Variants in SNTG1 observed in about 807,000 individuals in gnomAD.
SNTG1 encodes gamma-1-syntrophin.
A neutral mutation model predicts 74.7 loss-of-function variants in SNTG1; 39 were observed. That is an observed-to-expected ratio of 0.52 (90% CI 0.40 to 0.68). The LOEUF is 0.68. Ranked by LOEUF, SNTG1 falls within the 30% of genes least tolerant of loss-of-function variation. The pLI is 0.00. For missense variants in SNTG1, 685 were observed against 609.5 expected, an observed-to-expected ratio of 1.12 and a Z score of -1.30; for synonymous variants, 254 against 217.1, an observed-to-expected ratio of 1.17 and a Z score of -1.49.
intron 1 of SNTG1, among the ~76,000 whole-genome samples, chr8:50,147,626 G>C (rs1205526912): frequency 6.6e-6 from 1 of 152,160 alleles, no homozygotes; most frequent in Admixed American, 6.5e-5. Flanking sequence ...TTTTCTGTCA[G>C]AGGAATAAGC....
At chr8:50,103,245 G>A (rs1476555254) in intron 1 of SNTG1, among the ~76,000 whole-genome samples, 2 of 152,156 alleles carry the variant, frequency 1.3e-5, no homozygotes, top group African/African-American at 2.4e-5. Context: ...TTGAGCAGTG[G>A]TTTGTAGTTC....
chr8:50,765,367 T>C (rs1309923711), intron 18 of SNTG1, among the ~76,000 whole-genome samples: 1 of 151,990 alleles, frequency 6.6e-6, no homozygotes, highest in Non-Finnish European at 1.5e-5. Context: ...TCTGCATCCA[T>C]TGGTATTTCT....
chr8:50,149,218 A>G (rs1409153260), intron 1 of SNTG1, among the ~76,000 whole-genome samples: 1 of 151,976 alleles, frequency 6.6e-6, no homozygotes, highest in Non-Finnish European at 1.5e-5. Context: ...CATATCCTTC[A>G]CCCACTTTTT....
chr8:50,142,833 A>G (rs2081716885), intron 1 of SNTG1, among the ~76,000 whole-genome samples: 1 of 152,190 alleles, frequency 6.6e-6, no homozygotes, highest in Non-Finnish European at 1.5e-5. Flanking sequence ...ACACTTTGGG[A>G]GGCCAAGGCG....
At chr8:49,979,335 G>C (rs1462661821) in intron 1 of SNTG1, among the ~76,000 whole-genome samples, 4 of 152,222 alleles carry the variant, frequency 2.6e-5, no homozygotes, top group Non-Finnish European at 5.9e-5. Flanking sequence ...GGCCCAGACT[G>C]TCCTACAGCC....
chr8:50,764,988 G>T (rs938658182), intron 18 of SNTG1, among the ~76,000 whole-genome samples: 6 of 151,906 alleles, frequency 3.9e-5, no homozygotes, highest in Admixed American at 2.6e-4. Flanking sequence ...GAATCTGGGG[G>T]ACATTATGCT....
rs185519271 is a variant in SNTG1 at position 50,709,440 on chromosome 8, T to G, written c.1284+462T>G. On this transcript the variant is annotated intron_variant, in intron 17 of 18. Coordinates refer to ENST00000642720, the MANE Select transcript of SNTG1 (RefSeq NM_018967.5). ...TATTGAATGGTGAAAATTTAAAGTT[T>G]AGTTTCTAGCCAGGGAGTAGGACTT... 1.3e-3 allele frequency among the ~76,000 whole-genome samples: 205 copies of G among 152,254 alleles called. 1 individual carries two copies. The highest frequency in any genetic ancestry group is 3.1e-3 in the Admixed American group (47 of 15,292).
At position 50,118,719 on chromosome 8, in the gene SNTG1, T is replaced by G. The variant is rs1284888311; in HGVS notation, c.-102-53842T>G. Among the ~76,000 whole-genome samples, 2 of 142,744 alleles carry G rather than the reference T, an allele frequency of 1.4e-5. 1 individual carries two copies. The highest frequency in any genetic ancestry group is 5.1e-5 in the African/African-American group (2 of 39,496). 93.6% of individuals were successfully genotyped at this position (142,744 alleles called of 152,430 possible). A position where few individuals can be genotyped will look rare whatever the true frequency, so the allele number is the denominator to read the frequency against. Reference sequence around the variant, plus strand: ...TTTTCTTTTATTTTTCCTTTATAGTTTATAAAATTAAAGTGTATTCTTAAA... The same window carrying G: ...TTTTCTTTTATTTTTCCTTTATAGTGTATAAAATTAAAGTGTATTCTTAAA... On this transcript the variant is annotated intron_variant, in intron 1 of 18. Transcript: ENST00000642720.
chr8:50,396,822 T>A (rs1034653169), intron 3 of SNTG1, among the ~76,000 whole-genome samples: 9 of 152,226 alleles, frequency 5.9e-5, no homozygotes, highest in African/African-American at 2.2e-4. Flanking sequence ...GATATTCTAC[T>A]TTTATAAAGA....
chr8:50,225,010 GCCCA>G (rs1453725541), intron 2 of SNTG1, among the ~76,000 whole-genome samples: 1 of 151,566 alleles, frequency 6.6e-6, no homozygotes, highest in Non-Finnish European at 1.5e-5. Flanking sequence ...TCACTCTGTT[GCCCA>G]GGCTGGAGTG....
chr8:49,950,872 C>A (rs577408705), intron 1 of SNTG1, among the ~76,000 whole-genome samples: 4 of 152,258 alleles, frequency 2.6e-5, no homozygotes, highest in Admixed American at 2.0e-4. Context: ...GTGAAGTTCT[C>A]CTGAAATTCC....
intron 1 of SNTG1, among the ~76,000 whole-genome samples, chr8:50,020,177 T>A (rs548192174): frequency 5.9e-5 from 9 of 152,264 alleles, no homozygotes; most frequent in African/African-American, 2.2e-4. Context: ...TAAAGGAAAA[T>A]GTTTTGCTTT....
intron 1 of SNTG1, among the ~76,000 whole-genome samples, chr8:50,158,950 C>T (rs566885875): frequency 6.6e-6 from 1 of 152,238 alleles, no homozygotes; most frequent in East Asian, 1.9e-4. Flanking sequence ...CTAGAGTTTA[C>T]AAACCAGTTG....
In SNTG1 at chr8:50,632,204, G is replaced by A. The variant is rs189576360; in HGVS notation, c.850-24705G>A. 4.2e-4 allele frequency among the ~76,000 whole-genome samples: 64 copies of A among 151,702 alleles called. No individual in the cohort carries two copies. The East Asian group carries it at 4.3e-3, about 10-fold the overall frequency. ...AGTTACATTCTAGCCTTAAAGGATGGGTAAAAGCTTAGGAATTGGGGTAAT... is the reference window on the plus strand; with the variant it reads ...AGTTACATTCTAGCCTTAAAGGATGAGTAAAAGCTTAGGAATTGGGGTAAT... On this transcript the variant is annotated intron_variant, in intron 13 of 18. Coordinates refer to ENST00000642720, the MANE Select transcript of SNTG1 (RefSeq NM_018967.5).
chr8:50,621,251 C>T (rs1315534069), intron 13 of SNTG1, among the ~76,000 whole-genome samples: 1 of 152,094 alleles, frequency 6.6e-6, no homozygotes, highest in Non-Finnish European at 1.5e-5. Context: ...GACCATGCCT[C>T]CAGGGAGATA....
intron 5 of SNTG1, among the ~76,000 whole-genome samples, chr8:50,444,890 C>T (rs780250409): frequency 1.3e-5 from 2 of 152,020 alleles, no homozygotes; most frequent in South Asian, 2.1e-4. Context: ...CATTACATAG[C>T]TTTATTGAGG....
intron 15 of SNTG1, among the ~76,000 whole-genome samples, chr8:50,703,300 C>T (rs2095432472): frequency 6.6e-6 from 1 of 151,794 alleles, no homozygotes; most frequent in Non-Finnish European, 1.5e-5. Context: ...TTTAAATTTA[C>T]AAATTACTTT....
At chr8:50,407,604 C>T (rs1023571930) in intron 4 of SNTG1, among the ~76,000 whole-genome samples, 6 of 152,212 alleles carry the variant, frequency 3.9e-5, no homozygotes, top group African/African-American at 1.4e-4. Flanking sequence ...ACACTTTTGA[C>T]CTGCCTTGCT....
chr8:49,913,731 A>G (rs1368959625), intron 1 of SNTG1, among the ~76,000 whole-genome samples: 1 of 152,206 alleles, frequency 6.6e-6, no homozygotes, highest in East Asian at 1.9e-4. Context: ...TGGAAGTGAA[A>G]TTATCACATG....
Sources: gnomAD v4.1 joint callset for allele counts (sites outside exome capture counted in the v4.1 genomes callset) on GRCh38, gnomAD v4.1.1 for gene constraint, MANE v1.5 for transcripts, NCBI Gene and HGNC (gene_info 2026-07-23, HGNC 2026-07-21) for gene names.